ACTN1: variants seen among roughly 807,000 people sequenced by gnomAD.
ACTN1 encodes the protein alpha-actinin-1.
In ACTN1, 30 loss-of-function variants were observed where a neutral mutation model predicts 119.6. The ratio of observed to expected loss-of-function variants is 0.25; its 90% CI spans 0.19 to 0.34. ACTN1 has a LOEUF of 0.34. ACTN1 is among the 10% of genes least tolerant of loss of function. The probability of loss-of-function intolerance (pLI) is 1.00; values close to 1 mark genes in which losing one functional copy is unlikely to be tolerated. For synonymous variants in ACTN1, 429 were observed against 472.6 expected, an observed-to-expected ratio of 0.91 and a Z score of 1.20; for missense variants, 764 against 1,223.4, an observed-to-expected ratio of 0.62 and a Z score of 5.60.
intron 1 of ACTN1, among the ~76,000 whole-genome samples, chr14:68,932,513 CTTTTTTTT>C (rs753725900): frequency 4.9e-4 from 43 of 87,296 alleles, no homozygotes; most frequent in African/African-American, 1.5e-3. Context: ...ATACACCCAG[CTTTTTTTT>C]TTTTTTTTTT....
chr14:68,928,161 G>T, intron 1 of ACTN1, among the ~76,000 whole-genome samples: 1 of 152,324 alleles, frequency 6.6e-6, no homozygotes. Flanking sequence ...CTACCCAGTC[G>T]TGGAGGGGGT....
At chr14:68,978,745 T>C in intron 1 of ACTN1, 1 of 376,460 alleles carries the variant, frequency 2.7e-6, no homozygotes, top group Non-Finnish European at 4.7e-6. Context: ...CGGCCCGGCG[T>C]TCCCGGGCTC....
intron 8 of ACTN1, among the ~76,000 whole-genome samples, chr14:68,899,348 ACAC>A (rs2033137669): frequency 6.9e-6 from 1 of 144,770 alleles, no homozygotes; most frequent in African/African-American, 2.6e-5. Flanking sequence ...CACCTCCTAC[ACAC>A]CACACACACC....
At chr14:68,883,128 G>A in intron 14 of ACTN1, 73 bp from the exon 15 acceptor site, 1 of 1,491,846 alleles carries the variant, frequency 6.7e-7, no homozygotes, top group Non-Finnish European at 9.2e-7. Context: ...GGCCATGGAG[G>A]TTGAGTTCCA....
At position 68,979,187 on chromosome 14, in the gene ACTN1, G is replaced by T. The variant is rs1594895918; in HGVS notation, c.-131C>A. The T allele has an allele frequency of 3.8e-6, 2 of 529,154 alleles. No homozygotes were observed. The highest frequency in any genetic ancestry group is 2.9e-5 in the South Asian group (1 of 34,958). 32.8% of individuals were successfully genotyped at this position (529,154 alleles called of 1,614,324 possible). ...GGCGGGGCCGGGCTCGCTCCCCTGC[G>T]CCCGGTTCCGCCGCGGCGCTGCTGG... is the stretch of plus-strand genomic sequence containing the variant. On this transcript the variant is annotated 5_prime_UTR_variant, in exon 1 of 22. Transcript: ENST00000394419.
At chr14:68,966,114 A>ACTGAGGTGGGAG (rs1566679014) in intron 1 of ACTN1, among the ~76,000 whole-genome samples, 21 of 152,118 alleles carry the variant, frequency 1.4e-4, no homozygotes, top group Admixed American at 1.0e-3. Context: ...CTACTTGGGA[A>ACTGAGGTGGGAG]ACTGAGGTGG....
chr14:68,940,144 A>G (rs2035715908), intron 1 of ACTN1, among the ~76,000 whole-genome samples: 1 of 152,170 alleles, frequency 6.6e-6, no homozygotes, highest in African/African-American at 2.4e-5. Context: ...CTGGAGTCTG[A>G]TTCTGGCCCT....
chr14:68,921,164 C>T, intron 2 of ACTN1, 39 bp from the exon 3 acceptor site: 1 of 1,610,152 alleles, frequency 6.2e-7, no homozygotes, highest in Non-Finnish European at 8.5e-7. Flanking sequence ...AGGTGAGACG[C>T]TATGAGCCAG....
chr14:68,950,171 G>A lies in ACTN1; in HGVS notation c.106-24499C>T, dbSNP rs529486026. ...TAGCCAGGCATAGTGGCAGGTGCCT[G>A]TAATCCCAGCTACTGGGGAGGCTGA... On this transcript the variant is annotated intron_variant, in intron 1 of 21. Transcript: ENST00000394419. 2.6e-5 allele frequency among the ~76,000 whole-genome samples: 4 copies of A among 152,052 alleles called. No individual in the cohort carries two copies. The East Asian group carries it at 7.7e-4, about 29-fold the overall frequency.
chr14:68,880,140 G>C lies in ACTN1; in HGVS notation c.2134-32C>G. ...GACGGCAAGGGGCCTGTCAGCAAAGGGGTCCCAGGCCTGGGCTCCTGGCGG... is the reference window on the plus strand; with the variant it reads ...GACGGCAAGGGGCCTGTCAGCAAAGCGGTCCCAGGCCTGGGCTCCTGGCGG... On this transcript the variant is annotated intron_variant, in intron 17 of 21. Coordinates refer to ENST00000394419, the MANE Select transcript of ACTN1 (RefSeq NM_001130004.2). The surrounding 1 kb of genome is among the most constrained non-coding windows in gnomAD (Gnocchi z 4.6). 1.9e-6 allele frequency: 3 copies of C among 1,608,684 alleles called. No homozygotes were observed. Among genetic ancestry groups the C allele is most frequent in the Non-Finnish European group, 2.5e-6 (3 of 1,176,838 alleles).
At chr14:68,895,211 C>G (rs2140179887) in intron 8 of ACTN1, among the ~76,000 whole-genome samples, 1 of 152,172 alleles carries the variant, frequency 6.6e-6, no homozygotes, top group South Asian at 2.1e-4. Flanking sequence ...GACTTTGAGT[C>G]CTGGGCCTCA....
At chr14:68,893,330 C>T (rs921162897) in intron 9 of ACTN1, among the ~76,000 whole-genome samples, 6 of 152,150 alleles carry the variant, frequency 3.9e-5, no homozygotes, top group Non-Finnish European at 8.8e-5. Flanking sequence ...CTCACTGAAG[C>T]AAAACTCACA....
At chr14:68,955,141 T>C (rs1345891269) in intron 1 of ACTN1, among the ~76,000 whole-genome samples, 1 of 152,168 alleles carries the variant, frequency 6.6e-6, no homozygotes, top group Non-Finnish European at 1.5e-5. Flanking sequence ...ATCTACCCTA[T>C]GAAGCTCCCA....
At chr14:68,921,178 C>T (rs1480117222) in intron 2 of ACTN1, 53 bp from the exon 3 acceptor site, 1 of 1,602,654 alleles carries the variant, frequency 6.2e-7, no homozygotes, top group Non-Finnish European at 8.5e-7. Flanking sequence ...GAGCCAGGGG[C>T]CAGAGCTACT....
intron 10 of ACTN1, 42 bp downstream of exon 10, chr14:68,892,011 G>A (rs2140157578): frequency 6.2e-7 from 1 of 1,604,988 alleles, no homozygotes; most frequent in East Asian, 2.2e-5. Context: ...CAGAGGTGGA[G>A]GCAGTCCAGT....
chr14:68,911,721 G>A (rs764912604), intron 4 of ACTN1, among the ~76,000 whole-genome samples: 16 of 152,188 alleles, frequency 1.1e-4, no homozygotes, highest in African/African-American at 2.2e-4. Flanking sequence ...GGAATCAAGC[G>A]TAGAGATCAC....
intron 14 of ACTN1, among the ~76,000 whole-genome samples, chr14:68,883,818 G>A (rs1187863806): frequency 3.9e-5 from 6 of 151,990 alleles, no homozygotes; most frequent in Non-Finnish European, 5.9e-5. Flanking sequence ...TCAGAATATG[G>A]TATATAATAA....
intron 13 of ACTN1, 111 bp downstream of exon 13, chr14:68,884,664 T>G: frequency 1.1e-6 from 1 of 945,796 alleles, no homozygotes; most frequent in Non-Finnish European, 1.7e-6. Flanking sequence ...TTGGGGGAGG[T>G]CTGGGGAAGC....
At chr14:68,913,447 C>G (rs1032287127) in intron 3 of ACTN1, among the ~76,000 whole-genome samples, 14 of 152,136 alleles carry the variant, frequency 9.2e-5, no homozygotes, top group Admixed American at 5.9e-4. Context: ...CCAATAGAAC[C>G]ATGAGAAGGA....
Sources: allele counts gnomAD v4.1 joint callset (sites outside exome capture counted in the v4.1 genomes callset), GRCh38; gene constraint gnomAD v4.1.1; non-coding constraint Gnocchi (gnomAD v3.1); transcripts MANE v1.5; gene names NCBI Gene and HGNC (gene_info 2026-07-23, HGNC 2026-07-21).